METTL15: variants seen among roughly 807,000 people sequenced by gnomAD.
The protein encoded by METTL15 is 12S rRNA N(4)-cytidine methyltransferase METTL15.
A neutral mutation model predicts 38.3 loss-of-function variants in METTL15; 34 were observed. The ratio of observed to expected loss-of-function variants is 0.89; its 90% CI spans 0.68 to 1.18. The LOEUF is 1.18. Ranked by LOEUF, METTL15 falls within the 50% of genes most tolerant of loss-of-function variation. The pLI, the probability that METTL15 is intolerant of heterozygous loss-of-function variation, is 0.00. For missense variants in METTL15, 438 were observed against 498.4 expected (o/e 0.88, Z 1.15); for synonymous variants, 162 against 170.9 (o/e 0.95, Z 0.41).
At chr11:28,120,044 T>A (rs1852149872) in intron 3 of METTL15, among the ~76,000 whole-genome samples, 1 of 152,118 alleles carries the variant, frequency 6.6e-6, no homozygotes, top group Non-Finnish European at 1.5e-5. Flanking sequence ...CTCTGCCTCT[T>A]GAGTTCACAC....
chr11:28,117,288 T>C (rs1187706520), intron 3 of METTL15, among the ~76,000 whole-genome samples: 1 of 138,374 alleles, frequency 7.2e-6, no homozygotes, highest in East Asian at 2.3e-4. Flanking sequence ...TATATATATA[T>C]ATATATATAT....
intron 5 of METTL15, among the ~76,000 whole-genome samples, chr11:28,381,014 A>T (rs1850377620): frequency 6.6e-6 from 1 of 152,088 alleles, no homozygotes; most frequent in South Asian, 2.1e-4. Context: ...GTTTTGAGAC[A>T]GTGTCTTGGT....
intron 6 of METTL15, among the ~76,000 whole-genome samples, chr11:28,499,654 A>C (rs1234671815): frequency 1.3e-5 from 2 of 152,186 alleles, no homozygotes; most frequent in Non-Finnish European, 2.9e-5. Flanking sequence ...CTGCTGAATA[A>C]GTGACCAGAG....
intron 4 of METTL15, among the ~76,000 whole-genome samples, chr11:28,266,289 G>C (rs1446723118): frequency 6.6e-6 from 1 of 152,140 alleles, no homozygotes; most frequent in Non-Finnish European, 1.5e-5. Flanking sequence ...ATTCACAATA[G>C]CAAAGACTTG....
chr11:28,294,730 TTCTGAAGCTG>T (rs1383538299), intron 5 of METTL15, among the ~76,000 whole-genome samples: 1 of 152,142 alleles, frequency 6.6e-6, no homozygotes, highest in Non-Finnish European at 1.5e-5. Flanking sequence ...TGAATGCCTA[TTCTGAAGCTG>T]TCTAGCAGCC....
At chr11:28,372,421 G>T (rs1850253784) in intron 5 of METTL15, among the ~76,000 whole-genome samples, 1 of 147,256 alleles carries the variant, frequency 6.8e-6, no homozygotes, top group Non-Finnish European at 1.5e-5. Flanking sequence ...TTAGTACATT[G>T]GCTAGAAGTT....
rs11828910 is a variant in METTL15, at chr11:28,450,192, G to C, written c.*424+25828G>C. On this transcript the variant is annotated intron_variant and NMD_transcript_variant, in intron 6 of 7. Coordinates refer to the METTL15 transcript ENST00000532947. ...TATATTTCCAATGACACTGGACTAA[G>C]CCGACGGAGGTCTTAGCTTTACCCT... is the stretch of plus-strand genomic sequence containing the variant. Among the ~76,000 whole-genome samples the C allele has an allele frequency of 7.0e-3, 1,070 of 152,286 alleles. 8 individuals carry two copies. Among genetic ancestry groups the C allele is most frequent in the African/African-American group, 0.023 (970 of 41,550 alleles).
intron 4 of METTL15, among the ~76,000 whole-genome samples, chr11:28,225,643 G>C (rs758910543): frequency 2.0e-5 from 3 of 151,410 alleles, no homozygotes. Context: ...CTTTGAAAAC[G>C]TTTGATATTT....
At position 28,330,633 on chromosome 11, in the gene METTL15, C is replaced by T; in HGVS notation, c.1016C>T (p.Thr339Ile). 1 of 1,551,380 alleles carries T rather than the reference C, an allele frequency of 6.4e-7. No individual in the cohort carries two copies. Among genetic ancestry groups the T allele is most frequent in the Non-Finnish European group, 8.7e-7 (1 of 1,146,790 alleles). The change falls in exon 7 of 7, where the codon ACA becomes ATA. Residue 339 changes from threonine (T) to isoleucine (I), a missense_variant. By Grantham distance (89) the Thr-to-Ile change is moderately conservative (BLOSUM62 -1). Coordinates refer to ENST00000407364, the MANE Select transcript of METTL15 (RefSeq NM_001113528.2). Reference sequence around the variant, plus strand: ...AGATTTTTGCTTGGAATAAGCATGACAGAAAGATTTAACCTAAGTGTTAGA... The same window carrying T: ...AGATTTTTGCTTGGAATAAGCATGATAGAAAGATTTAACCTAAGTGTTAGA... ...VKRFLLGISM[T>I]ERFNLSVRQQ... is the part of the protein sequence containing the mutation.
intron 6 of METTL15, among the ~76,000 whole-genome samples, chr11:28,509,736 C>A (rs1466939951): frequency 2.0e-5 from 3 of 152,124 alleles, no homozygotes; most frequent in African/African-American, 7.2e-5. Flanking sequence ...ATTTCACATT[C>A]TGTGAGTTTC....
chr11:28,460,594 G>A (rs1026205250), intron 6 of METTL15, among the ~76,000 whole-genome samples: 3 of 152,014 alleles, frequency 2.0e-5, no homozygotes, highest in African/African-American at 7.2e-5. Context: ...AATAAACATT[G>A]GAATATCTAC....
At chr11:28,478,917 C>T (rs1590388841) in intron 6 of METTL15, among the ~76,000 whole-genome samples, 3 of 121,994 alleles carry the variant, frequency 2.5e-5, no homozygotes. Context: ...AACAACATGG[C>T]ACCTGCCAAG....
rs143950819 is a variant in METTL15 at position 28,341,634 on chromosome 11, A to T, written c.*190-10456A>T. On this transcript the variant is annotated intron_variant and NMD_transcript_variant, in intron 3 of 7. Coordinates refer to the METTL15 transcript ENST00000532947. ...GTGGGTGTATTAAACATGAATATTTATATATACAAGAGTTAAATAGGGTAT... is the reference window on the plus strand; with the variant it reads ...GTGGGTGTATTAAACATGAATATTTTTATATACAAGAGTTAAATAGGGTAT... Among the ~76,000 whole-genome samples, 1,315 of 152,316 alleles carry T rather than the reference A, an allele frequency of 8.6e-3. 10 individuals carry two copies. The highest frequency in any genetic ancestry group is 0.013 in the Non-Finnish European group (877 of 68,024).
At chr11:28,511,911 G>A (rs186355770) in intron 6 of METTL15, among the ~76,000 whole-genome samples, 9 of 152,288 alleles carry the variant, frequency 5.9e-5, no homozygotes, top group African/African-American at 2.2e-4. Flanking sequence ...CCATTTTACA[G>A]AGAGCGGGAG....
intron 6 of METTL15, among the ~76,000 whole-genome samples, chr11:28,492,286 G>A (rs1170613351): frequency 6.6e-6 from 1 of 152,096 alleles, no homozygotes; most frequent in Non-Finnish European, 1.5e-5. Flanking sequence ...GCCCCATGGA[G>A]GGTCTGGGAT....
intron 6 of METTL15, among the ~76,000 whole-genome samples, chr11:28,317,851 A>G (rs1857534494): frequency 6.6e-6 from 1 of 152,226 alleles, no homozygotes; most frequent in African/African-American, 2.4e-5. Context: ...CCAGCTTCTG[A>G]TATCATACAT....
At chr11:28,124,674 A>G (rs1852396616) in intron 3 of METTL15, among the ~76,000 whole-genome samples, 1 of 152,068 alleles carries the variant, frequency 6.6e-6, no homozygotes, top group South Asian at 2.1e-4. Context: ...AAGGAAAGCA[A>G]AAACTCCATG....
intron 3 of METTL15, among the ~76,000 whole-genome samples, chr11:28,181,951 TA>T (rs2133784973): frequency 6.6e-6 from 1 of 152,306 alleles, no homozygotes; most frequent in South Asian, 2.1e-4. Flanking sequence ...ATTGCCATTC[TA>T]ACTGGTGTGA....
intron 6 of METTL15, among the ~76,000 whole-genome samples, chr11:28,302,316 C>T (rs143392543): frequency 3.9e-5 from 6 of 152,196 alleles, no homozygotes; most frequent in East Asian, 3.9e-4. Context: ...ATAACTTCAA[C>T]GTTAATTTTA....
Sources: allele counts gnomAD v4.1 joint callset (sites outside exome capture counted in the v4.1 genomes callset), GRCh38; gene constraint gnomAD v4.1.1; transcripts MANE v1.5; gene names NCBI Gene and HGNC (gene_info 2026-07-23, HGNC 2026-07-21).